Variants in TBC1D2B observed in about 807,000 individuals in gnomAD.
The protein encoded by TBC1D2B is TBC1 domain family, member 2B.
In TBC1D2B, 64 loss-of-function variants were observed where a neutral mutation model predicts 100.8. The ratio of observed to expected loss-of-function variants is 0.64; its 90% CI spans 0.52 to 0.78. The LOEUF (loss-of-function observed/expected upper bound fraction) is 0.78. Among genes scored for constraint, TBC1D2B ranks in the 30% least tolerant of loss-of-function variants. The probability of loss-of-function intolerance (pLI) is 0.00; values close to 1 mark genes in which losing one functional copy is unlikely to be tolerated. For missense variants in TBC1D2B, 1,052 were observed against 1,218.4 expected (o/e 0.86, Z 2.03); for synonymous variants, 480 against 479.7 (o/e 1.00, Z -0.01).
intron 3 of TBC1D2B, among the ~76,000 whole-genome samples, chr15:78,037,141 A>G (rs544753088): frequency 6.6e-6 from 1 of 152,178 alleles, no homozygotes; most frequent in Non-Finnish European, 1.5e-5. Context: ...CAGGTTCCCT[A>G]CTGTCCAAAG....
chr15:78,036,123 C>T (rs557925117), intron 3 of TBC1D2B, among the ~76,000 whole-genome samples: 6 of 152,346 alleles, frequency 3.9e-5, no homozygotes, highest in East Asian at 1.9e-4. Flanking sequence ...GTCACATACA[C>T]ACAGAGCGAA....
intron 11 of TBC1D2B, chr15:78,002,711 G>A (rs918191805): frequency 6.5e-6 from 1 of 152,672 alleles, no homozygotes; most frequent in Non-Finnish European, 1.5e-5. Context: ...CCAAGTAGCT[G>A]AGACAATTGG....
chr15:78,013,682 C>T (rs1378529925), intron 8 of TBC1D2B, among the ~76,000 whole-genome samples: 1 of 151,966 alleles, frequency 6.6e-6, no homozygotes, highest in Admixed American at 6.5e-5. Flanking sequence ...CATATATATA[C>T]ACTACATATG....
At position 78,063,894 on chromosome 15, in the gene TBC1D2B, G is replaced by T. The variant is rs1033155275; in HGVS notation, c.361-9707C>A. On this transcript the variant is annotated intron_variant, in intron 1 of 12. Coordinates refer to ENST00000300584, the MANE Select transcript of TBC1D2B (RefSeq NM_144572.2). ...CAGATTCATCTACCCCTGGGCCTCT[G>T]GGTCTCCAGATTCATCTACCCCTGG... is the stretch of plus-strand genomic sequence containing the variant. 2.0e-5 allele frequency among the ~76,000 whole-genome samples: 3 copies of T among 151,958 alleles called. No homozygotes were observed. In the South Asian group the frequency reaches 6.2e-4, roughly 32 times the overall value.
chr15:78,034,239 GA>G (rs2072889608), intron 3 of TBC1D2B, among the ~76,000 whole-genome samples: 1 of 152,174 alleles, frequency 6.6e-6, no homozygotes, highest in South Asian at 2.1e-4. Flanking sequence ...AAATTGTAGA[GA>G]AAACTATTTC....
At chr15:78,071,483 T>C (rs1240022134) in intron 1 of TBC1D2B, among the ~76,000 whole-genome samples, 1 of 152,222 alleles carries the variant, frequency 6.6e-6, no homozygotes, top group African/African-American at 2.4e-5. Flanking sequence ...TTGCCTCTGC[T>C]ATAACAGTGT....
chr15:78,064,778 C>T (rs115039402), intron 1 of TBC1D2B, among the ~76,000 whole-genome samples: 278 of 152,050 alleles, frequency 1.8e-3, no homozygotes, highest in African/African-American at 6.4e-3. Flanking sequence ...TATTTTTTTC[C>T]CCAGGAAGGT....
chr15:78,001,425 T>C (rs964880258), intron 12 of TBC1D2B, among the ~76,000 whole-genome samples, 194 bp downstream of exon 12: 6 of 152,212 alleles, frequency 3.9e-5, no homozygotes, highest in African/African-American at 1.4e-4. Flanking sequence ...AGAATCCTCA[T>C]CTCAGTTCCT....
chr15:78,069,181 C>G (rs1596332075), intron 1 of TBC1D2B, among the ~76,000 whole-genome samples: 2 of 152,176 alleles, frequency 1.3e-5, no homozygotes, highest in East Asian at 3.8e-4. Flanking sequence ...TTCCATTTCT[C>G]AAGAAATCGT....
intron 3 of TBC1D2B, among the ~76,000 whole-genome samples, chr15:78,043,625 T>G (rs1433026242): frequency 6.6e-6 from 1 of 152,158 alleles, no homozygotes; most frequent in African/African-American, 2.4e-5. Flanking sequence ...TAAAAGGAAA[T>G]GAAGCACTGA....
At chr15:78,074,489 G>A (rs988293180) in intron 1 of TBC1D2B, among the ~76,000 whole-genome samples, 1 of 152,234 alleles carries the variant, frequency 6.6e-6, no homozygotes, top group African/African-American at 2.4e-5. Flanking sequence ...TTTAAAAAAA[G>A]AAATATTCTG....
chr15:78,003,156 C>G, intron 11 of TBC1D2B, 149 bp downstream of exon 11: 1 of 634,972 alleles, frequency 1.6e-6, no homozygotes, highest in Non-Finnish European at 2.8e-6. Flanking sequence ...ATACCCTGGA[C>G]CCAGATCTAG....
At position 78,009,119 on chromosome 15, in the gene TBC1D2B, A is replaced by G. The variant is rs1178537549; in HGVS notation, c.2271-5T>C. 8 of 1,581,864 alleles carry G rather than the reference A, an allele frequency of 5.1e-6. No homozygotes were observed. The highest frequency in any genetic ancestry group is 2.7e-5 in the African/African-American group (2 of 74,282). Reference sequence around the variant, plus strand: ...AGGAGGGCCACTGCCACCAACCTACAAGCAAAGGGAGGACAAGATGAGAGC... The same window carrying G: ...AGGAGGGCCACTGCCACCAACCTACGAGCAAAGGGAGGACAAGATGAGAGC... On this transcript the variant is annotated splice_polypyrimidine_tract_variant and splice_region_variant and intron_variant, in intron 9 of 12. Transcript: ENST00000300584.
At chr15:78,009,974 CA>C (rs59641885) in intron 9 of TBC1D2B, among the ~76,000 whole-genome samples, 30,952 of 96,046 alleles carry the variant, frequency 0.32, 2,267 homozygotes, top group African/African-American at 0.36. Flanking sequence ...GACTCCGTCT[CA>C]AAAAAAAAAA....
chr15:78,025,237 A>G (rs1182395925), intron 5 of TBC1D2B, 22 bp downstream of exon 5: 1 of 1,604,968 alleles, frequency 6.2e-7, no homozygotes, highest in Admixed American at 1.7e-5. Context: ...GGGGTAAGAC[A>G]GAAGCCAGAA....
chr15:78,027,730 A>G (rs1259690795), intron 4 of TBC1D2B, among the ~76,000 whole-genome samples: 1 of 151,982 alleles, frequency 6.6e-6, no homozygotes, highest in Admixed American at 6.6e-5. Context: ...CTTCTATTTC[A>G]CCCTCAGTCT....
At chr15:78,035,885 A>G (rs1038798183) in intron 3 of TBC1D2B, among the ~76,000 whole-genome samples, 4 of 152,208 alleles carry the variant, frequency 2.6e-5, no homozygotes, top group Non-Finnish European at 4.4e-5. Context: ...GACATTCCAG[A>G]TAAGTGCCTA....
intron 3 of TBC1D2B, among the ~76,000 whole-genome samples, chr15:78,036,710 T>C (rs1233483144): frequency 6.6e-6 from 1 of 152,188 alleles, no homozygotes; most frequent in Admixed American, 6.5e-5. Flanking sequence ...TCCCAAACTA[T>C]CAAACAATAA....
At chr15:78,008,140 A>G (rs2072119126) in intron 10 of TBC1D2B, among the ~76,000 whole-genome samples, 1 of 152,236 alleles carries the variant, frequency 6.6e-6, no homozygotes, top group African/African-American at 2.4e-5. Context: ...CAGTGCTGGC[A>G]GCAGCCCCAG....
Sources: gnomAD v4.1 joint callset for allele counts (sites outside exome capture counted in the v4.1 genomes callset) on GRCh38, gnomAD v4.1.1 for gene constraint, MANE v1.5 for transcripts, NCBI Gene and HGNC (gene_info 2026-07-23, HGNC 2026-07-21) for gene names.